BBX: variants seen among roughly 807,000 people sequenced by gnomAD.
BBX encodes the protein HMG box transcription factor BBX.
Under a neutral mutation model 100.2 loss-of-function variants are expected in BBX, and 30 were observed. That is an observed-to-expected ratio of 0.30 (90% CI 0.22 to 0.41). The LOEUF (loss-of-function observed/expected upper bound fraction) is 0.41. Ranked by LOEUF, BBX falls within the 10% of genes least tolerant of loss-of-function variation. The probability of loss-of-function intolerance (pLI) is 1.00; values close to 1 mark genes in which losing one functional copy is unlikely to be tolerated. For synonymous variants in BBX, 376 were observed against 388.1 expected (o/e 0.97, Z 0.37); for missense variants, 1,023 against 1,129.8 (o/e 0.91, Z 1.35).
chr3:107,698,067 C>T (rs771324938), intron 3 of BBX, among the ~76,000 whole-genome samples: 45 of 151,850 alleles, frequency 3.0e-4, no homozygotes, highest in African/African-American at 5.8e-4. Flanking sequence ...GTGCACGGTG[C>T]GCGCACCCAC....
intron 3 of BBX, among the ~76,000 whole-genome samples, chr3:107,695,582 C>A (rs2060529781): frequency 6.6e-6 from 1 of 150,756 alleles, no homozygotes; most frequent in South Asian, 2.1e-4. Flanking sequence ...AATTTCTGTT[C>A]TTTTACATTT....
rs143197407 is a variant in BBX, at chr3:107,652,300, A to C, written c.-10+6391A>C. On this transcript the variant is annotated intron_variant, in intron 3 of 17. Coordinates refer to ENST00000325805, the MANE Select transcript of BBX (RefSeq NM_001142568.3). ...TAGTGATTTGGCATTTGTCTAAAAA[A>C]TGTAATCAAAAAAGGAAACAAACCT... Among the ~76,000 whole-genome samples the C allele has an allele frequency of 2.6e-5, 4 of 152,018 alleles. No individual in the cohort carries two copies. In the East Asian group the frequency reaches 7.7e-4, roughly 29 times the overall value.
chr3:107,692,513 AG>A (rs1310936126), intron 3 of BBX, among the ~76,000 whole-genome samples: 2 of 152,202 alleles, frequency 1.3e-5, no homozygotes, highest in African/African-American at 4.8e-5. Flanking sequence ...GTCCCTACAA[AG>A]GACATGAACT....
At chr3:107,698,988 G>C (rs1283858390) in intron 3 of BBX, among the ~76,000 whole-genome samples, 1 of 151,732 alleles carries the variant, frequency 6.6e-6, no homozygotes, top group Non-Finnish European at 1.5e-5. Flanking sequence ...CTATGGGCAG[G>C]AGGAATGGAC....
At chr3:107,637,346 G>C (rs1030642854) in intron 2 of BBX, among the ~76,000 whole-genome samples, 1 of 152,180 alleles carries the variant, frequency 6.6e-6, no homozygotes, top group African/African-American at 2.4e-5. Flanking sequence ...TTAGGCCCTG[G>C]TTTTACCATA....
At chr3:107,804,991 A>G (rs2070940177) in intron 17 of BBX, among the ~76,000 whole-genome samples, 1 of 152,194 alleles carries the variant, frequency 6.6e-6, no homozygotes, top group Admixed American at 6.5e-5. Context: ...TTATTGTCCA[A>G]GAACCCCAGT....
chr3:107,526,450 C>CA (rs2047784341), intron 2 of BBX, 52 bp downstream of exon 2: 1 of 398,150 alleles, frequency 2.5e-6, no homozygotes, highest in South Asian at 1.3e-4. Context: ...TTAGTAATGA[C>CA]ATAAGGGTCT....
At chr3:107,729,040 CGGGG>C in intron 6 of BBX, 80 bp downstream of exon 6, 1 of 1,416,778 alleles carries the variant, frequency 7.1e-7, no homozygotes, top group Non-Finnish European at 9.6e-7. Context: ...ATACTGAGGG[CGGGG>C]GGACAAAATT....
At chr3:107,584,994 A>G (rs1290058853) in intron 2 of BBX, among the ~76,000 whole-genome samples, 1 of 151,974 alleles carries the variant, frequency 6.6e-6, no homozygotes, top group Admixed American at 6.6e-5. Flanking sequence ...AAATCTTAAT[A>G]ATTACTGGCC....
At chr3:107,602,995 G>T (rs182588446) in intron 2 of BBX, among the ~76,000 whole-genome samples, 84 of 152,266 alleles carry the variant, frequency 5.5e-4, no homozygotes, top group Non-Finnish European at 7.8e-4. Flanking sequence ...ACGGAGTCTC[G>T]TTCTGTCATT....
intron 2 of BBX, among the ~76,000 whole-genome samples, chr3:107,620,042 G>A (rs929589262): frequency 6.6e-6 from 1 of 151,864 alleles, no homozygotes; most frequent in Non-Finnish European, 1.5e-5. Flanking sequence ...TTTTGTTACT[G>A]TTTCATAGGT....
At chr3:107,543,615 A>G (rs1174137353) in intron 2 of BBX, among the ~76,000 whole-genome samples, 1 of 152,230 alleles carries the variant, frequency 6.6e-6, no homozygotes, top group Non-Finnish European at 1.5e-5. Context: ...GTCCTGTGAA[A>G]ACAGAGCAAG....
intron 2 of BBX, among the ~76,000 whole-genome samples, chr3:107,603,614 G>A (rs576558941): frequency 1.3e-5 from 2 of 152,190 alleles, no homozygotes; most frequent in East Asian, 3.9e-4. Flanking sequence ...TCCTGACCAT[G>A]TGATCCACCA....
At chr3:107,553,603 T>G (rs2049863437) in intron 2 of BBX, among the ~76,000 whole-genome samples, 1 of 152,002 alleles carries the variant, frequency 6.6e-6, no homozygotes, top group South Asian at 2.1e-4. Context: ...AGAAACTGAG[T>G]TAAGGACAAG....
intron 2 of BBX, among the ~76,000 whole-genome samples, chr3:107,550,482 C>T (rs1033495866): frequency 1.3e-5 from 2 of 151,956 alleles, no homozygotes; most frequent in African/African-American, 2.4e-5. Context: ...GGTGGTACAG[C>T]ATAGGTTGGA....
At chr3:107,755,241 T>C (rs1489176621) in intron 9 of BBX, among the ~76,000 whole-genome samples, 1 of 152,214 alleles carries the variant, frequency 6.6e-6, no homozygotes, top group Non-Finnish European at 1.5e-5. Context: ...AATTGTTTGG[T>C]AAATGCAAAA....
intron 2 of BBX, among the ~76,000 whole-genome samples, chr3:107,536,613 C>T (rs2048510142): frequency 6.6e-6 from 1 of 152,126 alleles, no homozygotes; most frequent in African/African-American, 2.4e-5. Context: ...TGTCATTTGA[C>T]ACCTTTCTTT....
chr3:107,731,962 A>T (rs891078929), intron 6 of BBX, among the ~76,000 whole-genome samples: 46 of 152,162 alleles, frequency 3.0e-4, no homozygotes, highest in Non-Finnish European at 8.8e-5. Flanking sequence ...ATGTTCTTTC[A>T]TTACACTTCT....
chr3:107,805,348 TTTTCTTCC>T lies in BBX; in HGVS notation c.2739-18_2739-11del. On this transcript the variant is annotated splice_polypyrimidine_tract_variant and intron_variant, in intron 17 of 17. Transcript: ENST00000325805. Reference sequence around the variant, plus strand: ...AATAACATATGCTGAATAAGTGACTTTTTCTTCCTTTTATTTTACAGAGGTCAGAGGTC... The same window carrying T: ...AATAACATATGCTGAATAAGTGACTTTTTTATTTTACAGAGGTCAGAGGTC... The T allele has an allele frequency of 6.3e-7, 1 of 1,599,180 alleles. No homozygotes were observed. Among genetic ancestry groups the T allele is most frequent in the Non-Finnish European group, 8.5e-7 (1 of 1,171,930 alleles).
Sources: gnomAD v4.1 joint callset for allele counts (sites outside exome capture counted in the v4.1 genomes callset) on GRCh38, gnomAD v4.1.1 for gene constraint, MANE v1.5 for transcripts, NCBI Gene and HGNC (gene_info 2026-07-23, HGNC 2026-07-21) for gene names.